The following SMARCAD1 variants were observed in gnomAD, a reference collection of about 807,000 sequenced individuals.
SMARCAD1 encodes the protein SWI/SNF-related matrix-associated actin-dependent regulator of chromatin subfamily A containing DEAD/H box 1.
A neutral mutation model predicts 127.1 loss-of-function variants in SMARCAD1; 25 were observed. The observed-to-expected ratio is 0.20, with a 90% CI of 0.14 to 0.27. SMARCAD1 has a LOEUF of 0.27. Ranked by LOEUF, SMARCAD1 falls within the 10% of genes least tolerant of loss-of-function variation. SMARCAD1 has a pLI of 1.00. For missense variants in SMARCAD1, 807 were observed against 1,206.0 expected, an observed-to-expected ratio of 0.67 and a Z score of 4.90; for synonymous variants, 400 against 396.9, an observed-to-expected ratio of 1.01 and a Z score of -0.09.
intron 2 of SMARCAD1, among the ~76,000 whole-genome samples, chr4:94,223,038 A>T (rs1433035673): frequency 1.3e-5 from 2 of 152,098 alleles, no homozygotes; most frequent in African/African-American, 4.8e-5. Context: ...AAGGGAGAAA[A>T]ACAAAGAAAA....
At chr4:94,267,107 C>T (rs1362675865) in intron 10 of SMARCAD1, among the ~76,000 whole-genome samples, 1 of 151,960 alleles carries the variant, frequency 6.6e-6, no homozygotes. Context: ...GTTCAGAATA[C>T]AATATATTTA....
At chr4:94,224,814 T>C (rs927102512) in intron 2 of SMARCAD1, among the ~76,000 whole-genome samples, 1 of 152,240 alleles carries the variant, frequency 6.6e-6, no homozygotes, top group African/African-American at 2.4e-5. Context: ...TTTCTCTCTT[T>C]CATGGGGGAT....
chr4:94,287,223 C>T (rs1392622636), intron 23 of SMARCAD1, among the ~76,000 whole-genome samples: 1 of 152,114 alleles, frequency 6.6e-6, no homozygotes, highest in African/African-American at 2.4e-5. Flanking sequence ...GATGTAATGG[C>T]GTCTCTTATT....
intron 3 of SMARCAD1, among the ~76,000 whole-genome samples, chr4:94,233,028 G>C (rs1383500467): frequency 6.6e-6 from 1 of 152,134 alleles, no homozygotes. Context: ...TTTGCTTTTA[G>C]ATGTTCTTAG....
At chr4:94,226,379 G>T in intron 3 of SMARCAD1, 83 bp downstream of exon 3, 37 of 1,128,544 alleles carry the variant, frequency 3.3e-5, no homozygotes, top group East Asian at 1.6e-4. Context: ...AGATATTTTG[G>T]TGACTTCCCT....
At chr4:94,244,490 A>G (rs1748099783) in intron 6 of SMARCAD1, among the ~76,000 whole-genome samples, 1 of 152,238 alleles carries the variant, frequency 6.6e-6, no homozygotes, top group African/African-American at 2.4e-5. Flanking sequence ...AATAACCCAA[A>G]TATGAAAGAC....
In SMARCAD1 at chr4:94,290,180, T is replaced by TA. The variant is rs1455140021; in HGVS notation, c.*647dup. On this transcript the variant is annotated 3_prime_UTR_variant, in exon 24 of 24. Coordinates refer to ENST00000354268, the MANE Select transcript of SMARCAD1 (RefSeq NM_020159.5). ...AGGCACTAAGTTGTTTTCCAGTGAA[T>TA]AGTAACTAAAGAAGCCCCTACCTTG... The TA allele has an allele frequency of 1.8e-5, 8 of 454,362 alleles. No individual in the cohort carries two copies. The highest frequency in any genetic ancestry group is 3.5e-5 in the Non-Finnish European group (8 of 226,748). 28.1% of individuals were successfully genotyped at this position (454,362 alleles called of 1,614,324 possible). A position where few individuals can be genotyped will look rare whatever the true frequency, so the allele number is the denominator to read the frequency against.
At position 94,278,600 on chromosome 4, in the gene SMARCAD1, GT is replaced by G. The variant is rs35858920; in HGVS notation, c.2179-10del. Reference sequence around the variant, plus strand: ...TTTACTAGAATGATTATCTTAAACTGTTTTTTCTGTCTCAGGTTCTCAAGCA... The same window carrying G: ...TTTACTAGAATGATTATCTTAAACTGTTTTTCTGTCTCAGGTTCTCAAGCA... On this transcript the variant is annotated splice_polypyrimidine_tract_variant and intron_variant, in intron 17 of 23. Coordinates refer to ENST00000354268, the MANE Select transcript of SMARCAD1 (RefSeq NM_020159.5). The G allele has an allele frequency of 6.2e-7, 1 of 1,613,458 alleles. No individual in the cohort carries two copies. Among genetic ancestry groups the G allele is most frequent in the South Asian group, 1.1e-5 (1 of 91,060 alleles).
intron 9 of SMARCAD1, among the ~76,000 whole-genome samples, chr4:94,254,917 C>G (rs1359396507): frequency 6.6e-6 from 1 of 151,852 alleles, no homozygotes; most frequent in African/African-American, 2.4e-5. Flanking sequence ...TTTTTTAGCC[C>G]AAACCCTACC....
intron 9 of SMARCAD1, among the ~76,000 whole-genome samples, chr4:94,263,685 AGAGTTG>A (rs1349806652): frequency 6.6e-6 from 1 of 152,000 alleles, no homozygotes; most frequent in African/African-American, 2.4e-5. Flanking sequence ...GTGATTACTT[AGAGTTG>A]TTAATGTGAT....
At chr4:94,254,719 G>A (rs28676794) in intron 9 of SMARCAD1, among the ~76,000 whole-genome samples, 21,905 of 152,020 alleles carry the variant, frequency 0.14, 1,777 homozygotes, top group Non-Finnish European at 0.18. Flanking sequence ...CAGTCTAAAT[G>A]TATCTGAAAA....
At chr4:94,218,746 T>A (rs1180798458) in intron 2 of SMARCAD1, among the ~76,000 whole-genome samples, 3 of 152,202 alleles carry the variant, frequency 2.0e-5, no homozygotes, top group African/African-American at 7.2e-5. Context: ...TTTATTAAGA[T>A]GCTAAAGGTA....
At chr4:94,288,917 T>C (rs1211627836) in intron 23 of SMARCAD1, among the ~76,000 whole-genome samples, 3 of 152,176 alleles carry the variant, frequency 2.0e-5, no homozygotes, top group Admixed American at 6.5e-5. Context: ...GTGCTTATAC[T>C]GGGGCCTCAT....
chr4:94,279,097 AGTT>A, intron 19 of SMARCAD1, 47 bp downstream of exon 19: 2 of 1,611,344 alleles, frequency 1.2e-6, no homozygotes, highest in South Asian at 1.1e-5. Flanking sequence ...TAAGAGGTTA[AGTT>A]GTTAGGCTAT....
Position 94,277,149 on chromosome 4 carries a change from C to A in SMARCAD1, c.2072C>A (p.Ser691Tyr). ...ACCAGTGAAATACGAAGAATGTTTTCCTCTAAGACAGTAAGCATAAATGCA... is the reference window on the plus strand; with the variant it reads ...ACCAGTGAAATACGAAGAATGTTTTACTCTAAGACAGTAAGCATAAATGCA... ...SSTSEIRRMF[S>Y]SKTKSADEQS... is the part of the protein sequence containing the mutation. The change falls in exon 16 of 24, where the codon TCC (serine) becomes TAC (tyrosine). Residue 691 changes from serine (S) to tyrosine (Y), a missense_variant. Physicochemically the swap from Ser to Tyr is moderately radical, Grantham distance 144. This residue lies in a region of SMARCAD1 where 148 missense variants were observed against 313.2 expected (regional missense o/e 0.47). Transcript: ENST00000354268. 1 of 1,613,936 alleles carries A rather than the reference C, an allele frequency of 6.2e-7. No homozygotes were observed. The highest frequency in any genetic ancestry group is 8.5e-7 in the Non-Finnish European group (1 of 1,179,922).
intron 18 of SMARCAD1, 39 bp from the exon 19 acceptor site, chr4:94,278,886 TCCGC>T: frequency 6.2e-7 from 1 of 1,611,560 alleles, no homozygotes; most frequent in Admixed American, 1.7e-5. Flanking sequence ...TCAACAGTTA[TCCGC>T]TTGGTTTTAT....
intron 10 of SMARCAD1, among the ~76,000 whole-genome samples, chr4:94,268,728 C>A (rs372060179): frequency 3.3e-5 from 5 of 152,092 alleles, no homozygotes; most frequent in African/African-American, 1.2e-4. Context: ...CTTCTGTGAG[C>A]CGCAGTGAAC....
chr4:94,275,077 A>G, intron 14 of SMARCAD1, 112 bp downstream of exon 14: 1 of 801,924 alleles, frequency 1.2e-6, no homozygotes, highest in Non-Finnish European at 2.2e-6. Context: ...GTGATACGAA[A>G]GTAATAGAAT....
chr4:94,258,199 G>T (rs1750407489), intron 9 of SMARCAD1, among the ~76,000 whole-genome samples: 1 of 150,984 alleles, frequency 6.6e-6, no homozygotes, highest in Non-Finnish European at 1.5e-5. Context: ...CTGTCACCCA[G>T]GCTGGAGTGC....
Sources: allele counts gnomAD v4.1 joint callset (sites outside exome capture counted in the v4.1 genomes callset), GRCh38; gene constraint gnomAD v4.1.1; regional missense constraint gnomAD v4.1.1; transcripts MANE v1.5; gene names NCBI Gene and HGNC (gene_info 2026-07-23, HGNC 2026-07-21).